Variants in PNPLA4 observed in about 807,000 individuals in gnomAD.
PNPLA4 encodes patatin like domain 4, phospholipase and triacylglycerol lipase, also known as patatin-like phospholipase domain-containing protein 4.
Under a neutral mutation model 18.3 loss-of-function variants are expected in PNPLA4, and 15 were observed. The observed-to-expected ratio is 0.82, with a 90% confidence interval of 0.55 to 1.26. The LOEUF is 1.26. Ranked by LOEUF, PNPLA4 falls within the 50% of genes most tolerant of loss-of-function variation. PNPLA4 has a pLI of 0.00. For synonymous variants in PNPLA4, 88 were observed against 85.6 expected (o/e 1.03, Z -0.16); for missense variants, 229 against 196.8 (o/e 1.16, Z -0.98).
rs376118486 is a variant in PNPLA4, at chrX:7,903,343, A to C, written c.478-1202T>G. On this transcript the variant is annotated intron_variant, in intron 5 of 6. Transcript: ENST00000381042. ...GAGACAGAGTCTCGCTCTGTCGCCC[A>C]GGCTGGAGTGCAGTGGTGTGATCTC... 5.6e-3 allele frequency among the ~76,000 whole-genome samples: 616 copies of C among 109,327 alleles called. 5 individuals are homozygous for C. The highest frequency in any genetic ancestry group is 8.7e-3 in the Non-Finnish European group (456 of 52,555). 94.9% of individuals were successfully genotyped at this position (109,327 alleles called of 115,157 possible).
At chrX:7,906,119 A>G (rs1923698223) in intron 5 of PNPLA4, among the ~76,000 whole-genome samples, 1 of 111,981 alleles carries the variant, frequency 8.9e-6, no homozygotes, top group Non-Finnish European at 1.9e-5. Context: ...TTGAACAATA[A>G]TTTCTTATTT....
At chrX:7,914,134 C>A (rs1050593528) in intron 4 of PNPLA4, among the ~76,000 whole-genome samples, 7 of 112,142 alleles carry the variant, frequency 6.2e-5, no homozygotes, top group Non-Finnish European at 9.4e-5. Context: ...ATAATAATAA[C>A]CTCACGCAAG....
At chrX:7,912,169 A>G (rs1380749898) in intron 4 of PNPLA4, 76 bp from the exon 5 acceptor site, 3 of 735,815 alleles carry the variant, frequency 4.1e-6, no homozygotes, top group Non-Finnish European at 6.3e-6. Context: ...TGTAGTATTG[A>G]CTAGCAAAAT....
intron 4 of PNPLA4, 34 bp downstream of exon 4, chrX:7,921,679 T>C (rs1450879072): frequency 8.5e-7 from 1 of 1,173,038 alleles, no homozygotes; most frequent in Admixed American, 2.2e-5. Context: ...CAGCACTTGC[T>C]GATTTCTTCA....
intron 4 of PNPLA4, among the ~76,000 whole-genome samples, chrX:7,914,933 ATTTG>A (rs1432975124): frequency 8.9e-6 from 1 of 111,745 alleles, no homozygotes; most frequent in African/African-American, 3.3e-5. Flanking sequence ...AAATCAATGT[ATTTG>A]TTTTTGTCAT....
At chrX:7,923,320 G>A (rs917443669) in intron 2 of PNPLA4, among the ~76,000 whole-genome samples, 5 of 111,774 alleles carry the variant, frequency 4.5e-5, no homozygotes, top group Non-Finnish European at 9.4e-5. Flanking sequence ...TGAAGATGCT[G>A]TGCTTATGGC....
intron 5 of PNPLA4, among the ~76,000 whole-genome samples, chrX:7,909,617 T>C (rs1157314398): frequency 9.0e-6 from 1 of 110,522 alleles, no homozygotes; most frequent in Non-Finnish European, 1.9e-5. Flanking sequence ...GAGGGCAGGC[T>C]GGTAAGGTAG....
intron 6 of PNPLA4, among the ~76,000 whole-genome samples, chrX:7,901,697 T>C (rs191960217): frequency 2.9e-4 from 32 of 111,659 alleles, no homozygotes; most frequent in Admixed American, 1.1e-3. Flanking sequence ...GCGTGGTGCA[T>C]GTCTGTAATC....
At chrX:7,912,474 G>T (rs755134997) in intron 4 of PNPLA4, among the ~76,000 whole-genome samples, 1 of 111,976 alleles carries the variant, frequency 8.9e-6, no homozygotes, top group Non-Finnish European at 1.9e-5. Flanking sequence ...GCTTTCTGGA[G>T]GAACAAAGCC....
intron 5 of PNPLA4, among the ~76,000 whole-genome samples, chrX:7,905,072 G>C (rs1210248874): frequency 1.8e-5 from 2 of 112,224 alleles, no homozygotes; most frequent in African/African-American, 6.5e-5. Flanking sequence ...CCACATTCAA[G>C]TCAATGCCTG....
intron 4 of PNPLA4, among the ~76,000 whole-genome samples, chrX:7,917,538 T>G (rs187663548): frequency 8.9e-6 from 1 of 112,223 alleles, no homozygotes; most frequent in African/African-American, 3.2e-5. Context: ...TGTGGGTTAT[T>G]ATGTTATTCG....
chrX:7,902,700 G>A (rs1301329659), intron 5 of PNPLA4, among the ~76,000 whole-genome samples: 1 of 111,854 alleles, frequency 8.9e-6, no homozygotes. Flanking sequence ...CAAGCCCACC[G>A]CAAAGGGGAG....
At chrX:7,909,022 G>A (rs1376065065) in intron 5 of PNPLA4, among the ~76,000 whole-genome samples, 3 of 111,720 alleles carry the variant, frequency 2.7e-5, no homozygotes, top group African/African-American at 9.8e-5. Flanking sequence ...ACAACATGGC[G>A]CTGCGGCTGG....
At chrX:7,900,867 A>C in intron 6 of PNPLA4, 50 bp from the exon 7 acceptor site, 1 of 973,813 alleles carries the variant, frequency 1.0e-6, no homozygotes, top group Non-Finnish European at 1.4e-6. Context: ...CAGTACAGGT[A>C]AATATACACT....
intron 4 of PNPLA4, among the ~76,000 whole-genome samples, chrX:7,920,875 G>A (rs1414838608): frequency 8.9e-6 from 1 of 112,682 alleles, no homozygotes; most frequent in Non-Finnish European, 1.9e-5. Flanking sequence ...GAAAAGTTAG[G>A]AGACCTGGGT....
At chrX:7,904,973 C>T (rs191121586) in intron 5 of PNPLA4, among the ~76,000 whole-genome samples, 3 of 112,309 alleles carry the variant, frequency 2.7e-5, no homozygotes, top group Non-Finnish European at 3.8e-5. Context: ...AAATCATACT[C>T]GTTACAGGCT....
Position 7,899,738 on chromosome X carries a change from A to T in PNPLA4, c.*948T>A, listed in dbSNP as rs1923468503. On this transcript the variant is annotated 3_prime_UTR_variant, in exon 7 of 7. Transcript: ENST00000381042. ...CTGGGGTGGGGTTTAGGGGAGGAAG[A>T]TGAGAGGGGATAAGCCTCTTCAAAA... The T allele has an allele frequency of 9.5e-6, 1 of 105,046 alleles. No homozygotes were observed. Among genetic ancestry groups the T allele is most frequent in the African/African-American group, 3.5e-5 (1 of 28,487 alleles). 8.7% of individuals were successfully genotyped at this position (105,046 alleles called of 1,213,427 possible).
intron 4 of PNPLA4, among the ~76,000 whole-genome samples, chrX:7,917,790 A>G (rs1924090207): frequency 9.0e-6 from 1 of 111,324 alleles, no homozygotes; most frequent in East Asian, 2.8e-4. Context: ...ACAAGTAATC[A>G]TTCTTGAGGA....
At chrX:7,920,327 G>A (rs1924176307) in intron 4 of PNPLA4, among the ~76,000 whole-genome samples, 1 of 111,640 alleles carries the variant, frequency 9.0e-6, no homozygotes, top group African/African-American at 3.3e-5. Context: ...GACATTGATG[G>A]CTTAGGACCA....
Sources: gnomAD v4.1 joint callset for allele counts (sites outside exome capture counted in the v4.1 genomes callset) on GRCh38, gnomAD v4.1.1 for gene constraint, MANE v1.5 for transcripts, NCBI Gene and HGNC (gene_info 2026-07-23, HGNC 2026-07-21) for gene names.